Variants in NR2C2 observed in about 807,000 individuals in gnomAD.
NR2C2 encodes the protein Nuclear hormone receptor TR4.
In NR2C2, 6 loss-of-function variants were observed where a neutral mutation model predicts 62.9. The ratio of observed to expected loss-of-function variants is 0.10; its 90% CI spans 0.05 to 0.19. The LOEUF (loss-of-function observed/expected upper bound fraction) is 0.19, where lower values mean the gene tolerates loss of function less well. NR2C2 is among the 10% of genes least tolerant of loss of function. NR2C2 has a pLI of 1.00. For missense variants in NR2C2, 479 were observed against 762.7 expected, an observed-to-expected ratio of 0.63 and a Z score of 4.38; for synonymous variants, 272 against 273.8, an observed-to-expected ratio of 0.99 and a Z score of 0.07.
intron 13 of NR2C2, among the ~76,000 whole-genome samples, chr3:15,039,485 T>C (rs369165250): frequency 1.3e-5 from 2 of 152,186 alleles, no homozygotes; most frequent in South Asian, 4.1e-4. Flanking sequence ...ATTCCAGTTT[T>C]GCTGTGTGAC....
chr3:14,948,302 A>AT (rs1311343738), intron 1 of NR2C2: 5 of 151,898 alleles, frequency 3.3e-5, no homozygotes, highest in Non-Finnish European at 7.3e-5. Context: ...CTCTGCCGGG[A>AT]TTTTCACCCC....
chr3:14,969,634 A>G (rs957968187), intron 1 of NR2C2, among the ~76,000 whole-genome samples: 1 of 152,246 alleles, frequency 6.6e-6, no homozygotes, highest in Admixed American at 6.5e-5. Context: ...ATTGGCAGAA[A>G]GAAATCACTC....
In NR2C2 at chr3:14,969,059, C is replaced by T. The variant is rs532642476; in HGVS notation, c.-40+21153C>T. On this transcript the variant is annotated intron_variant, in intron 1 of 13. Transcript: ENST00000425241. ...CTAGATGACGAGTTAGTGGGTGCAGCGCACCAGCATGGCACATGTATACAT... is the reference window on the plus strand; with the variant it reads ...CTAGATGACGAGTTAGTGGGTGCAGTGCACCAGCATGGCACATGTATACAT... Among the ~76,000 whole-genome samples, 52 of 147,588 alleles carry T rather than the reference C, an allele frequency of 3.5e-4. No homozygotes were observed. In the East Asian group the frequency reaches 9.9e-3, roughly 28 times the overall value.
chr3:15,022,407 T>C (rs1192121320), intron 5 of NR2C2, among the ~76,000 whole-genome samples: 4 of 143,512 alleles, frequency 2.8e-5, no homozygotes, highest in Non-Finnish European at 6.1e-5. Context: ...TCTTTTTTTT[T>C]TTTTTTTTTT....
chr3:15,041,981 T>A (rs1286788553), intron 13 of NR2C2, among the ~76,000 whole-genome samples: 1 of 152,266 alleles, frequency 6.6e-6, no homozygotes, highest in Non-Finnish European at 1.5e-5. Context: ...GTAACCTTTT[T>A]TCATGTAATA....
At chr3:15,029,767 C>A (rs916586046) in intron 8 of NR2C2, among the ~76,000 whole-genome samples, 1 of 149,908 alleles carries the variant, frequency 6.7e-6, no homozygotes, top group Non-Finnish European at 1.5e-5. Context: ...CCAGCTGAGA[C>A]CCATCTCTGA....
chr3:14,971,179 G>A (rs757617610), intron 1 of NR2C2, among the ~76,000 whole-genome samples: 3 of 147,426 alleles, frequency 2.0e-5, no homozygotes, highest in Non-Finnish European at 4.4e-5. Flanking sequence ...GTGCAGTGGC[G>A]CAATCTTGGC....
chr3:15,020,473 C>T (rs948703769), intron 4 of NR2C2, among the ~76,000 whole-genome samples: 4 of 152,242 alleles, frequency 2.6e-5, no homozygotes, highest in Admixed American at 6.5e-5. Flanking sequence ...CATTTGTATA[C>T]TAAGAGCACT....
intron 1 of NR2C2, among the ~76,000 whole-genome samples, chr3:14,996,982 A>G (rs1292814205): frequency 2.0e-5 from 3 of 152,214 alleles, no homozygotes; most frequent in Non-Finnish European, 4.4e-5. Flanking sequence ...CAAATAAAGT[A>G]AGGACCTGAG....
rs944534184 is a variant in NR2C2, at chr3:15,049,018, TCTC to T, written c.*6012_*6014del. 3 of 152,662 alleles carry T rather than the reference TCTC, an allele frequency of 2.0e-5. No individual in the cohort carries two copies. The highest frequency in any genetic ancestry group is 2.0e-4 in the Admixed American group (3 of 15,290). 9.5% of individuals were successfully genotyped at this position (152,662 alleles called of 1,614,324 possible). On this transcript the variant is annotated 3_prime_UTR_variant, in exon 14 of 14. Transcript: ENST00000425241. ...AAGCTGCAGCTTTATACAGCTTTCT[TCTC>T]CCTGTGAAATCACTTTGTTTATGTG...
At chr3:15,013,233 G>A (rs895678348) in intron 2 of NR2C2, among the ~76,000 whole-genome samples, 3 of 152,194 alleles carry the variant, frequency 2.0e-5, no homozygotes, top group Admixed American at 1.3e-4. Context: ...TGGATCAGTA[G>A]CATTTCAAAA....
intron 1 of NR2C2, among the ~76,000 whole-genome samples, chr3:14,956,916 C>T (rs1386481049): frequency 6.6e-6 from 1 of 152,200 alleles, no homozygotes; most frequent in Non-Finnish European, 1.5e-5. Flanking sequence ...AGACCTATTC[C>T]TAATCATAAT....
At chr3:15,017,790 G>A (rs2041552494) in intron 4 of NR2C2, among the ~76,000 whole-genome samples, 1 of 152,198 alleles carries the variant, frequency 6.6e-6, no homozygotes, top group South Asian at 2.1e-4. Flanking sequence ...AAATGGTTTT[G>A]CATACTAGAG....
intron 1 of NR2C2, among the ~76,000 whole-genome samples, chr3:14,991,974 C>A (rs374712194): frequency 7.9e-5 from 12 of 151,918 alleles, no homozygotes; most frequent in African/African-American, 1.9e-4. Flanking sequence ...TCTTGCAATG[C>A]TGTCCAGGCT....
chr3:14,999,483 A>C (rs2040925607), intron 1 of NR2C2, among the ~76,000 whole-genome samples: 1 of 152,070 alleles, frequency 6.6e-6, no homozygotes, highest in Non-Finnish European at 1.5e-5. Flanking sequence ...AGAGTAAGAG[A>C]TCTTGTCCCC....
At chr3:14,972,174 C>CTTTTTTTTTTT (rs527677356) in intron 1 of NR2C2, among the ~76,000 whole-genome samples, 1 of 117,080 alleles carries the variant, frequency 8.5e-6, no homozygotes, top group Non-Finnish European at 1.8e-5. Flanking sequence ...CTTTTTCTTT[C>CTTTTTTTTTTT]TTTTTTTTTT....
At position 14,947,747 on chromosome 3, in the gene NR2C2, C is replaced by G. The variant is rs1716970; in HGVS notation, c.-199C>G. Reference sequence around the variant, plus strand: ...CGCCACCCCGCTCCCACCTCGGCGTCTCGTCTCTCGCCCGCTGCCCCGCGA... The same window carrying G: ...CGCCACCCCGCTCCCACCTCGGCGTGTCGTCTCTCGCCCGCTGCCCCGCGA... On this transcript the variant is annotated 5_prime_UTR_variant, in exon 1 of 14. Coordinates refer to ENST00000425241, the MANE Select transcript of NR2C2 (RefSeq NM_001291694.2). The G allele has an allele frequency of 4.7e-5, 7 of 149,602 alleles. No homozygotes were observed. The highest frequency in any genetic ancestry group is 9.0e-5 in the Non-Finnish European group (6 of 67,008). 9.3% of individuals were successfully genotyped at this position (149,602 alleles called of 1,614,324 possible). A position where few individuals can be genotyped will look rare whatever the true frequency, so the allele number is the denominator to read the frequency against.
intron 12 of NR2C2, 165 bp from the exon 13 acceptor site, chr3:15,038,955 CAG>C (rs2042178327): frequency 1.6e-6 from 1 of 611,656 alleles, no homozygotes; most frequent in Non-Finnish European, 2.9e-6. Flanking sequence ...GGGCAGAAAA[CAG>C]AGGAAAAGCC....
rs143843565 is a variant in NR2C2 at position 14,950,307 on chromosome 3, A to G, written c.-40+2401A>G. ...ATAATGGAACTAAATAGTACTAACC[A>G]AAGTATAGGGTGCTTTATGATTTAC... On this transcript the variant is annotated intron_variant, in intron 1 of 13. Coordinates refer to ENST00000425241, the MANE Select transcript of NR2C2 (RefSeq NM_001291694.2). 6.8e-4 allele frequency among the ~76,000 whole-genome samples: 104 copies of G among 152,316 alleles called. No individual in the cohort carries two copies. The Middle Eastern group carries it at 0.01, about 15-fold the overall frequency.
Sources: gnomAD v4.1 joint callset for allele counts (sites outside exome capture counted in the v4.1 genomes callset) on GRCh38, gnomAD v4.1.1 for gene constraint, MANE v1.5 for transcripts, NCBI Gene and HGNC (gene_info 2026-07-23, HGNC 2026-07-21) for gene names.